Variants in CNTNAP2 observed in about 807,000 individuals in gnomAD.
CNTNAP2 encodes contactin-associated protein-like 2.
In CNTNAP2, 98 loss-of-function variants were observed where a neutral mutation model predicts 155.2. That is an observed-to-expected ratio of 0.63 (90% CI 0.54 to 0.75). The LOEUF is 0.75. Ranked by LOEUF, CNTNAP2 falls within the 30% of genes least tolerant of loss-of-function variation. The pLI is 0.00. For missense variants in CNTNAP2, 1,727 were observed against 1,688.1 expected (o/e 1.02, Z -0.40); for synonymous variants, 651 against 631.2 (o/e 1.03, Z -0.47).
At position 146,536,050 on chromosome 7, in the gene CNTNAP2, C is replaced by G. The variant is rs190208811; in HGVS notation, c.98-238221C>G. On this transcript the variant is annotated intron_variant, in intron 1 of 23. Transcript: ENST00000361727. ...ACAGCATGCAATCATCCAATATCCA[C>G]GTTTATTTTCTCCTTTCTCCCTCAT... Among the ~76,000 whole-genome samples, 372 of 152,204 alleles carry G rather than the reference C, an allele frequency of 2.4e-3. 3 individuals carry two copies. The highest frequency in any genetic ancestry group is 8.6e-3 in the African/African-American group (358 of 41,546).
intron 21 of CNTNAP2, among the ~76,000 whole-genome samples, chr7:148,297,687 T>C (rs537171531): frequency 2.0e-4 from 31 of 152,088 alleles, no homozygotes; most frequent in Non-Finnish European, 3.2e-4. Context: ...TTGAAGACAG[T>C]AGAGAAAAAC....
intron 1 of CNTNAP2, among the ~76,000 whole-genome samples, chr7:146,610,252 C>G (rs1234059110): frequency 2.0e-5 from 3 of 152,060 alleles, no homozygotes; most frequent in Admixed American, 2.0e-4. Flanking sequence ...GTAGTCGTCT[C>G]CTAGGAGAGA....
Position 147,913,172 on chromosome 7 carries a change from C to T in CNTNAP2, c.2255+9451C>T, listed in dbSNP as rs1487168061. Reference sequence around the variant, plus strand: ...ATGTCCAAAGGATAAAAAGGAGCTTCCAGGGATAAGCCAGTTTAAATCCAG... The same window carrying T: ...ATGTCCAAAGGATAAAAAGGAGCTTTCAGGGATAAGCCAGTTTAAATCCAG... On this transcript the variant is annotated intron_variant, in intron 14 of 23. Coordinates refer to ENST00000361727, the MANE Select transcript of CNTNAP2 (RefSeq NM_014141.6). 2.6e-5 allele frequency among the ~76,000 whole-genome samples: 4 copies of T among 152,178 alleles called. No individual in the cohort carries two copies. In the East Asian group the frequency reaches 7.7e-4, roughly 29 times the overall value.
chr7:146,620,586 T>C (rs1342133959), intron 1 of CNTNAP2, among the ~76,000 whole-genome samples: 3 of 152,196 alleles, frequency 2.0e-5, no homozygotes, highest in Non-Finnish European at 4.4e-5. Context: ...AGAATGTTTT[T>C]TAGATATATA....
At chr7:148,203,449 G>A (rs1040278957) in intron 18 of CNTNAP2, among the ~76,000 whole-genome samples, 2 of 152,122 alleles carry the variant, frequency 1.3e-5, no homozygotes, top group South Asian at 2.1e-4. Flanking sequence ...GTATTTCATC[G>A]AGAAATGAAT....
At chr7:146,257,522 G>A (rs1799858362) in intron 1 of CNTNAP2, among the ~76,000 whole-genome samples, 1 of 152,278 alleles carries the variant, frequency 6.6e-6, no homozygotes, top group Middle Eastern at 3.4e-3. Context: ...ATGTCTCTTG[G>A]ATTAAATTCT....
At chr7:146,902,716 C>T (rs538474392) in intron 3 of CNTNAP2, among the ~76,000 whole-genome samples, 28 of 152,296 alleles carry the variant, frequency 1.8e-4, no homozygotes, top group African/African-American at 6.3e-4. Flanking sequence ...TAACTGGAGC[C>T]CTTTCTTGTA....
intron 13 of CNTNAP2, among the ~76,000 whole-genome samples, chr7:147,762,250 A>G (rs78501755): frequency 0.046 from 6,931 of 152,104 alleles, 496 homozygotes; most frequent in African/African-American, 0.16. Context: ...AGTGACATCA[A>G]TGGAGCAAGG....
At chr7:147,698,847 G>A (rs908529267) in intron 13 of CNTNAP2, among the ~76,000 whole-genome samples, 2 of 152,128 alleles carry the variant, frequency 1.3e-5, no homozygotes. Context: ...GCTGGTGTGA[G>A]CACATTATTG....
chr7:148,128,514 T>C (rs1438095819), intron 16 of CNTNAP2, among the ~76,000 whole-genome samples: 2 of 152,188 alleles, frequency 1.3e-5, no homozygotes, highest in African/African-American at 4.8e-5. Context: ...AAGCTTTTCA[T>C]ATAATAGCTT....
chr7:148,218,936 CTTTTTTTT>C (rs746349465), intron 19 of CNTNAP2, among the ~76,000 whole-genome samples: 1 of 73,630 alleles, frequency 1.4e-5, no homozygotes, highest in Non-Finnish European at 2.5e-5. Flanking sequence ...TAAGATCACT[CTTTTTTTT>C]TTTTTTTTTT....
At chr7:147,692,017 A>T (rs890670607) in intron 13 of CNTNAP2, among the ~76,000 whole-genome samples, 7 of 152,118 alleles carry the variant, frequency 4.6e-5, no homozygotes, top group Admixed American at 3.3e-4. Context: ...CTGGTTATTC[A>T]TCATTCCACT....
intron 3 of CNTNAP2, among the ~76,000 whole-genome samples, chr7:146,859,150 G>A (rs983492241): frequency 5.9e-5 from 9 of 152,196 alleles, no homozygotes; most frequent in African/African-American, 1.7e-4. Context: ...TACTTCAGCA[G>A]AGATTAGAAA....
chr7:147,031,236 A>G (rs563993523), intron 3 of CNTNAP2, among the ~76,000 whole-genome samples: 29 of 152,274 alleles, frequency 1.9e-4, no homozygotes, highest in Middle Eastern at 3.4e-3. Context: ...AGAAAAAATT[A>G]TAGGAGGTTT....
At chr7:147,478,872 A>C (rs1798369375) in intron 10 of CNTNAP2, among the ~76,000 whole-genome samples, 1 of 152,212 alleles carries the variant, frequency 6.6e-6, no homozygotes, top group Admixed American at 6.5e-5. Context: ...CAACAGCTTA[A>C]TGACTTTGTT....
intron 21 of CNTNAP2, among the ~76,000 whole-genome samples, chr7:148,289,808 G>T (rs1048616281): frequency 2.0e-5 from 3 of 152,130 alleles, no homozygotes; most frequent in Non-Finnish European, 4.4e-5. Flanking sequence ...GGCTGTTGGG[G>T]GAGGCAGCAA....
At chr7:148,080,464 G>C (rs1373476221) in intron 15 of CNTNAP2, among the ~76,000 whole-genome samples, 2 of 151,862 alleles carry the variant, frequency 1.3e-5, no homozygotes, top group Non-Finnish European at 2.9e-5. Context: ...AAATTAGCCT[G>C]GCGTGGTGGC....
In CNTNAP2 at chr7:148,377,714, C is replaced by A. The variant is rs1464074699; in HGVS notation, c.3476-5935C>A. Among the ~76,000 whole-genome samples, 69 of 67,554 alleles carry A rather than the reference C, an allele frequency of 1.0e-3. 22 individuals are homozygous for A. Among genetic ancestry groups the A allele is most frequent in the African/African-American group, 2.4e-3 (66 of 27,628 alleles). The allele number at this position is 67,554 out of a possible 152,430, so 44.3% of individuals were successfully genotyped here. A position where few individuals can be genotyped will look rare whatever the true frequency, so the allele number is the denominator to read the frequency against. On this transcript the variant is annotated intron_variant, in intron 21 of 23. Coordinates refer to ENST00000361727, the MANE Select transcript of CNTNAP2 (RefSeq NM_014141.6). ...TAATTTCCATAGTACTTGATCCCCTCCCACACACCAAACTATGAATGACAG... is the reference window on the plus strand; with the variant it reads ...TAATTTCCATAGTACTTGATCCCCTACCACACACCAAACTATGAATGACAG...
At chr7:148,242,873 A>ATTTGCATCC (rs1289949006) in intron 20 of CNTNAP2, among the ~76,000 whole-genome samples, 2 of 152,140 alleles carry the variant, frequency 1.3e-5, no homozygotes, top group East Asian at 3.8e-4. Flanking sequence ...AATATATTTG[A>ATTTGCATCC]TTTGCATCCT....
Sources: allele counts gnomAD v4.1 joint callset (sites outside exome capture counted in the v4.1 genomes callset), GRCh38; gene constraint gnomAD v4.1.1; transcripts MANE v1.5; gene names NCBI Gene and HGNC (gene_info 2026-07-23, HGNC 2026-07-21).